NRCAM: variants seen among roughly 807,000 people sequenced by gnomAD.
NRCAM encodes the protein neuronal cell adhesion molecule.
NRCAM carries 83 observed loss-of-function variants against 156.5 expected under a neutral mutation model. The ratio of observed to expected loss-of-function variants is 0.53; its 90% CI spans 0.44 to 0.64. The LOEUF is 0.64. NRCAM is among the 30% of genes least tolerant of loss of function. The pLI is 0.00. For missense variants in NRCAM, 1,417 were observed against 1,597.3 expected (o/e 0.89, Z 1.92); for synonymous variants, 538 against 563.9 (o/e 0.95, Z 0.65).
intron 3 of NRCAM, among the ~76,000 whole-genome samples, chr7:108,293,160 A>C (rs531256055): frequency 2.0e-5 from 3 of 152,264 alleles, no homozygotes; most frequent in African/African-American, 7.2e-5. Context: ...CCCCCTTGTG[A>C]TTAATTAACA....
chr7:108,444,536 G>C lies in NRCAM; in HGVS notation c.-332+11707C>G, dbSNP rs141706736. ...CAGGAAGTCCAAGATCCAGGTGTCC[G>C]CAGGGTTGGTCCCTTCCAAGGGCTG... On this transcript the variant is annotated intron_variant, in intron 1 of 32. Coordinates refer to ENST00000379028, the MANE Select transcript of NRCAM (RefSeq NM_001037132.4). Among the ~76,000 whole-genome samples, 16 of 152,238 alleles carry C rather than the reference G, an allele frequency of 1.1e-4. No individual in the cohort carries two copies. In the East Asian group the frequency reaches 2.9e-3, roughly 27 times the overall value.
Position 108,168,354 on chromosome 7 carries a change from T to A in NRCAM, c.3236A>T (p.Glu1079Val). Residue 1079 changes from glutamate to valine, a missense_variant, in exon 29 of 33, where the codon GAG (glutamate) becomes GTG (valine). Glu to Val is a moderately radical substitution (Grantham distance 121). Transcript: ENST00000379028. ...RISNLTAAAAETYANISWEYE... is the reference protein window; with the variant it reads ...RISNLTAAAAVTYANISWEYE... ...TTCCCAACTGATATTGGCATAGGTCTCAGCAGCTGCAGCAGTAAGATTGCT... is the reference window on the plus strand; with the variant it reads ...TTCCCAACTGATATTGGCATAGGTCACAGCAGCTGCAGCAGTAAGATTGCT... 1 of 1,608,696 alleles carries A rather than the reference T, an allele frequency of 6.2e-7. No homozygotes were observed. Among genetic ancestry groups the A allele is most frequent in the Non-Finnish European group, 8.5e-7 (1 of 1,177,814 alleles).
chr7:108,328,893 C>A (rs1264986869), intron 2 of NRCAM, among the ~76,000 whole-genome samples: 1 of 152,150 alleles, frequency 6.6e-6, no homozygotes, highest in East Asian at 1.9e-4. Context: ...GGTTTTTATT[C>A]CTTTTGACAA....
chr7:108,150,524 T>G (rs2040714247), intron 32 of NRCAM, among the ~76,000 whole-genome samples: 1 of 152,178 alleles, frequency 6.6e-6, no homozygotes, highest in Non-Finnish European at 1.5e-5. Context: ...AGTAAAGAAG[T>G]TAGTATGTTA....
intron 2 of NRCAM, among the ~76,000 whole-genome samples, chr7:108,368,693 C>G (rs150782608): frequency 1.9e-3 from 287 of 152,106 alleles, no homozygotes; most frequent in African/African-American, 6.8e-3. Flanking sequence ...GCTGATCTAA[C>G]AAACATGCTG....
rs975053197 is a variant in NRCAM, at chr7:108,197,940, TA to T, written c.1351+15del. On this transcript the variant is annotated intron_variant, in intron 14 of 32. Transcript: ENST00000379028. Reference sequence around the variant, plus strand: ...TTAATTTAATTTGCCATGTCTTTAATAAAATGAGAGCTTACCCAGCACATTT... The same window carrying T: ...TTAATTTAATTTGCCATGTCTTTAATAAATGAGAGCTTACCCAGCACATTT... 1.4e-5 allele frequency: 22 copies of T among 1,539,724 alleles called. No homozygotes were observed. The highest frequency in any genetic ancestry group is 1.7e-5 in the Non-Finnish European group (20 of 1,148,312).
At chr7:108,292,007 T>C (rs1291452830) in intron 3 of NRCAM, among the ~76,000 whole-genome samples, 1 of 152,220 alleles carries the variant, frequency 6.6e-6, no homozygotes, top group African/African-American at 2.4e-5. Flanking sequence ...GGGCCCCGCT[T>C]AAACAGTGCA....
chr7:108,377,626 C>T (rs1242067013), intron 2 of NRCAM, among the ~76,000 whole-genome samples: 2 of 152,066 alleles, frequency 1.3e-5, no homozygotes, highest in South Asian at 4.2e-4. Flanking sequence ...AATACTGATG[C>T]CCTTCAATAC....
chr7:108,432,604 A>C (rs12531222), intron 1 of NRCAM, among the ~76,000 whole-genome samples: 9,473 of 152,308 alleles, frequency 0.062, 297 homozygotes, highest in African/African-American at 0.067. Context: ...GGAAAAAAAG[A>C]AGCAGAAAAA....
intron 17 of NRCAM, 148 bp from the exon 18 acceptor site, chr7:108,192,001 A>T: frequency 1.2e-6 from 1 of 826,426 alleles, no homozygotes. Context: ...ATATCACTTT[A>T]AGAATGATTA....
chr7:108,255,582 C>CA (rs2096596921), intron 3 of NRCAM, among the ~76,000 whole-genome samples: 1 of 152,022 alleles, frequency 6.6e-6, no homozygotes, highest in African/African-American at 2.4e-5. Context: ...TCTGCCCGGC[C>CA]GCCACCCCGT....
At chr7:108,397,134 C>T (rs2099778977) in intron 2 of NRCAM, among the ~76,000 whole-genome samples, 1 of 152,204 alleles carries the variant, frequency 6.6e-6, no homozygotes, top group Admixed American at 6.5e-5. Flanking sequence ...GTGGAAACGG[C>T]AGAGTGAGAT....
intron 2 of NRCAM, among the ~76,000 whole-genome samples, chr7:108,385,687 A>G (rs939514290): frequency 1.3e-5 from 2 of 152,224 alleles, no homozygotes; most frequent in African/African-American, 4.8e-5. Flanking sequence ...ATACCAGGGT[A>G]AGGACTGTAT....
At chr7:108,161,635 T>C (rs2049068161) in intron 30 of NRCAM, among the ~76,000 whole-genome samples, 1 of 152,204 alleles carries the variant, frequency 6.6e-6, no homozygotes, top group African/African-American at 2.4e-5. Context: ...TAGGTGTGTG[T>C]GATCTCTGGA....
intron 2 of NRCAM, among the ~76,000 whole-genome samples, chr7:108,397,896 C>T (rs1209378804): frequency 6.6e-6 from 1 of 151,816 alleles, no homozygotes; most frequent in Admixed American, 6.6e-5. Context: ...TTTATTATGC[C>T]AAGAAAATAA....
chr7:108,412,115 G>A (rs922356327), intron 1 of NRCAM, among the ~76,000 whole-genome samples: 7 of 152,098 alleles, frequency 4.6e-5, no homozygotes, highest in Non-Finnish European at 5.9e-5. Flanking sequence ...TAAGAAAACT[G>A]TTTTTCTATC....
chr7:108,185,147 C>A (rs1003175846), intron 20 of NRCAM, among the ~76,000 whole-genome samples: 1 of 151,968 alleles, frequency 6.6e-6, no homozygotes. Flanking sequence ...GACTATGACA[C>A]AAGGAATCAA....
chr7:108,252,955 G>C (rs945502131), intron 3 of NRCAM, among the ~76,000 whole-genome samples: 2 of 152,240 alleles, frequency 1.3e-5, no homozygotes, highest in African/African-American at 2.4e-5. Context: ...AGAAAGTGCA[G>C]GCTACTCTGC....
chr7:108,304,683 G>A (rs1482306349), intron 3 of NRCAM, among the ~76,000 whole-genome samples: 1 of 152,082 alleles, frequency 6.6e-6, no homozygotes, highest in Non-Finnish European at 1.5e-5. Context: ...GAGGTTCTAG[G>A]TTCAACTATA....
Sources: gnomAD v4.1 joint callset for allele counts (sites outside exome capture counted in the v4.1 genomes callset) on GRCh38, gnomAD v4.1.1 for gene constraint, MANE v1.5 for transcripts, NCBI Gene and HGNC (gene_info 2026-07-23, HGNC 2026-07-21) for gene names.